The following ADGRA3 variants were observed in gnomAD, a reference collection of about 807,000 sequenced individuals.
ADGRA3 encodes the protein adhesion G protein-coupled receptor A3.
In ADGRA3, 56 loss-of-function variants were observed where a neutral mutation model predicts 119.8. That is an observed-to-expected ratio of 0.47 (90% confidence interval 0.38 to 0.58). The LOEUF (loss-of-function observed/expected upper bound fraction) is 0.58, where lower values mean the gene tolerates loss of function less well. ADGRA3 is among the 20% of genes least tolerant of loss of function. The probability of loss-of-function intolerance (pLI) is 0.00; values close to 1 mark genes in which losing one functional copy is unlikely to be tolerated. For synonymous variants in ADGRA3, 607 were observed against 623.8 expected, an observed-to-expected ratio of 0.97 and a Z score of 0.40; for missense variants, 1,516 against 1,649.0, an observed-to-expected ratio of 0.92 and a Z score of 1.40.
At position 22,389,111 on chromosome 4, in the gene ADGRA3, G is replaced by A. The variant is rs377710469; in HGVS notation, c.2700C>T (p.Tyr900=). ...ACTAGGGTGCGTTTGGCCGACTGCCGTAATTCTTAATGTTCGCTGCTGCAG... is the reference window on the plus strand; with the variant it reads ...ACTAGGGTGCGTTTGGCCGACTGCCATAATTCTTAATGTTCGCTGCTGCAG... ...GITAAANIKN[Y]GSRPNAPYCW... Residue 900 remains tyrosine (Y), a synonymous_variant, in exon 18 of 19, where the codon TAC becomes TAT. Coordinates refer to ENST00000334304, the MANE Select transcript of ADGRA3 (RefSeq NM_145290.4). The A allele has an allele frequency of 2.7e-5, 43 of 1,613,726 alleles. No homozygotes were observed. Among genetic ancestry groups the A allele is most frequent in the Admixed American group, 1.7e-4 (10 of 59,990 alleles).
At chr4:22,445,188 T>A (rs143662210) in intron 5 of ADGRA3, 55 bp from the exon 6 acceptor site, 2 of 1,531,940 alleles carry the variant, frequency 1.3e-6, no homozygotes, top group East Asian at 4.5e-5. Context: ...AAATAGCACT[T>A]TTGTTTTATA....
intron 7 of ADGRA3, among the ~76,000 whole-genome samples, chr4:22,440,652 C>T (rs1716575347): frequency 6.6e-6 from 1 of 152,104 alleles, no homozygotes. Flanking sequence ...TAGATTTATA[C>T]AGTAAATCTA....
intron 1 of ADGRA3, among the ~76,000 whole-genome samples, chr4:22,514,137 A>T (rs1329478926): frequency 6.6e-6 from 1 of 152,208 alleles, no homozygotes; most frequent in Non-Finnish European, 1.5e-5. Flanking sequence ...TTTATAACAT[A>T]ACTGCATGAT....
intron 5 of ADGRA3, among the ~76,000 whole-genome samples, chr4:22,445,645 A>T (rs1716805196): frequency 6.6e-6 from 1 of 152,208 alleles, no homozygotes; most frequent in African/African-American, 2.4e-5. Flanking sequence ...TGTATGTCTA[A>T]CTAGACTGTG....
Position 22,388,526 on chromosome 4 carries a change from T to G in ADGRA3, c.3145A>C (p.Asn1049His), listed in dbSNP as rs2108989250. The G allele has an allele frequency of 6.2e-7, 1 of 1,614,048 alleles. No homozygotes were observed. Among genetic ancestry groups the G allele is most frequent in the Non-Finnish European group, 8.5e-7 (1 of 1,179,988 alleles). The change falls in exon 19 of 19, where the codon AAT (asparagine) becomes CAT (histidine). Residue 1049 changes from asparagine (N) to histidine (H), a missense_variant. Coordinates refer to ENST00000334304, the MANE Select transcript of ADGRA3 (RefSeq NM_145290.4). ...CACGCAAGTCTAACATCCTCCCTAT[T>G]AACACAATGGTGGACCACGAAGAAC... Reference protein sequence around the residue: ...SAFFVVHHCVNREDVRLAWIM... With the variant: ...SAFFVVHHCVHREDVRLAWIM...
chr4:22,429,520 C>T (rs375701934), intron 10 of ADGRA3, among the ~76,000 whole-genome samples: 1 of 152,168 alleles, frequency 6.6e-6, no homozygotes, highest in Non-Finnish European at 1.5e-5. Flanking sequence ...AAAAGACCCC[C>T]TGTTACAAAG....
chr4:22,450,973 C>T (rs940911613), intron 4 of ADGRA3, among the ~76,000 whole-genome samples: 7 of 135,836 alleles, frequency 5.2e-5, no homozygotes, highest in Admixed American at 2.9e-4. Flanking sequence ...TATATATATA[C>T]ACCAGATCAT....
intron 10 of ADGRA3, among the ~76,000 whole-genome samples, chr4:22,428,331 C>A (rs1299552495): frequency 1.5e-5 from 2 of 134,962 alleles, no homozygotes; most frequent in African/African-American, 5.3e-5. Flanking sequence ...CAGAACATCT[C>A]AGTCCATGGT....
intron 9 of ADGRA3, among the ~76,000 whole-genome samples, 163 bp from the exon 10 acceptor site, chr4:22,435,629 G>C (rs374844873): frequency 2.4e-4 from 37 of 152,030 alleles, no homozygotes; most frequent in African/African-American, 8.4e-4. Flanking sequence ...AAGAAAACTG[G>C]AATTTTAATG....
In ADGRA3 at chr4:22,461,814, A is replaced by C. The variant is rs1560329406; in HGVS notation, c.330-6T>G. 3 of 1,591,130 alleles carry C rather than the reference A, an allele frequency of 1.9e-6. No individual in the cohort carries two copies. The East Asian group carries it at 6.7e-5, about 36-fold the overall frequency. On this transcript the variant is annotated splice_polypyrimidine_tract_variant and splice_region_variant and intron_variant, in intron 2 of 18. Transcript: ENST00000334304. Reference sequence around the variant, plus strand: ...TAAGATTGTTTCGGAGGTCCCTGTTAAAAATAAAATAAAAGTTATTCACAT... The same window carrying C: ...TAAGATTGTTTCGGAGGTCCCTGTTCAAAATAAAATAAAAGTTATTCACAT...
intron 7 of ADGRA3, among the ~76,000 whole-genome samples, chr4:22,442,185 T>C (rs1716640977): frequency 6.6e-6 from 1 of 152,182 alleles, no homozygotes; most frequent in Admixed American, 6.5e-5. Flanking sequence ...CTTTTAATTA[T>C]TTTGGTATTC....
chr4:22,441,003 A>C (rs193070898), intron 7 of ADGRA3, among the ~76,000 whole-genome samples: 1 of 152,208 alleles, frequency 6.6e-6, no homozygotes, highest in Non-Finnish European at 1.5e-5. Flanking sequence ...ATAAAATGAC[A>C]ATCATTTGAA....
Position 22,387,619 on chromosome 4 carries a change from C to G in ADGRA3, c.*86G>C. The G allele has an allele frequency of 1.5e-6, 2 of 1,312,224 alleles. No homozygotes were observed. Among genetic ancestry groups the G allele is most frequent in the Non-Finnish European group, 2.1e-6 (2 of 961,660 alleles). 81.3% of individuals were successfully genotyped at this position (1,312,224 alleles called of 1,614,324 possible). On this transcript the variant is annotated 3_prime_UTR_variant, in exon 19 of 19. Transcript: ENST00000334304. ...AAATTCTTTTGAATCCCTATGGTGG[C>G]TGTAAACAGTTTTTAAATGCTCATA... is the stretch of plus-strand genomic sequence containing the variant.
intron 1 of ADGRA3, among the ~76,000 whole-genome samples, chr4:22,476,689 G>A (rs1287152012): frequency 4.0e-5 from 6 of 149,130 alleles, no homozygotes; most frequent in African/African-American, 7.4e-5. Flanking sequence ...TTTTTTAGAC[G>A]TAGTCTTGCT....
At chr4:22,436,415 G>A in intron 9 of ADGRA3, 25 bp downstream of exon 9, 1 of 1,568,954 alleles carries the variant, frequency 6.4e-7, no homozygotes, top group South Asian at 1.1e-5. Context: ...CACAACCCAA[G>A]TAAACATGAA....
At chr4:22,408,605 C>A (rs770387612) in intron 14 of ADGRA3, among the ~76,000 whole-genome samples, 5 of 152,152 alleles carry the variant, frequency 3.3e-5, no homozygotes, top group African/African-American at 1.2e-4. Context: ...CATCACAACA[C>A]TACCACCAGA....
At position 22,413,222 on chromosome 4, in the gene ADGRA3, G is replaced by A. The variant is rs1421290700; in HGVS notation, c.2192C>T (p.Thr731Met). 1.2e-5 allele frequency: 20 copies of A among 1,613,788 alleles called. No individual in the cohort carries two copies. Among genetic ancestry groups the A allele is most frequent in the African/African-American group, 4.0e-5 (3 of 74,876 alleles). ...HILYSDENIT[T>M]IQCYSLSNYA... ...GTTACTAAGGGAGTAGCACTGAATC[G>A]TAGTGATATTTTCATCTGAATAGAG... is the stretch of plus-strand genomic sequence containing the variant. Residue 731 changes from threonine (T) to methionine (M), a missense_variant, in exon 14 of 19, where the codon ACG (threonine) becomes ATG (methionine). Around this residue, in one of 2 missense-constraint regions of ADGRA3, gnomAD observed 1,088 missense variants for 1,107.1 expected, o/e 0.98. Transcript: ENST00000334304.
At chr4:22,425,754 T>C (rs1167999361) in intron 10 of ADGRA3, among the ~76,000 whole-genome samples, 2 of 152,192 alleles carry the variant, frequency 1.3e-5, no homozygotes, top group African/African-American at 2.4e-5. Context: ...ACACAACGTA[T>C]AATTATGGGG....
intron 1 of ADGRA3, among the ~76,000 whole-genome samples, chr4:22,475,040 T>C (rs1265903156): frequency 2.0e-5 from 3 of 152,340 alleles, no homozygotes; most frequent in Admixed American, 6.5e-5. Context: ...GATTTTCTTT[T>C]ATCTAAGTGA....
Sources: gnomAD v4.1 joint callset for allele counts (sites outside exome capture counted in the v4.1 genomes callset) on GRCh38, gnomAD v4.1.1 for gene constraint, gnomAD v4.1.1 regional missense constraint, MANE v1.5 for transcripts, NCBI Gene and HGNC (gene_info 2026-07-23, HGNC 2026-07-21) for gene names.